The following COX10 variants were observed in gnomAD, a reference collection of about 807,000 sequenced individuals.
The protein encoded by COX10 is cytochrome c oxidase assembly factor heme A:farnesyltransferase COX10, also known as protoheme IX farnesyltransferase, mitochondrial.
A neutral mutation model predicts 37.3 loss-of-function variants in COX10; 27 were observed. That is an observed-to-expected ratio of 0.72 (90% CI 0.53 to 1.00). The LOEUF (loss-of-function observed/expected upper bound fraction) is 1.00, where lower values mean the gene tolerates loss of function less well. Among genes scored for constraint, COX10 ranks in the 50% least tolerant of loss-of-function variants. The pLI is 0.00. For synonymous variants in COX10, 222 were observed against 229.1 expected (o/e 0.97, Z 0.28); for missense variants, 475 against 563.2 (o/e 0.84, Z 1.59).
chr17:14,149,014 A>G (rs946250236), intron 4 of COX10, among the ~76,000 whole-genome samples: 3 of 148,500 alleles, frequency 2.0e-5, no homozygotes, highest in Non-Finnish European at 3.0e-5. Context: ...ATATATAACA[A>G]TATATTTATA....
intron 4 of COX10, among the ~76,000 whole-genome samples, chr17:14,127,553 A>G (rs1916370111): frequency 6.6e-6 from 1 of 152,218 alleles, no homozygotes. Flanking sequence ...CAAAAATTCA[A>G]GTGCAGTTAA....
At chr17:14,172,574 T>TTTCC (rs1403802644) in intron 5 of COX10, among the ~76,000 whole-genome samples, 3 of 127,314 alleles carry the variant, frequency 2.4e-5, no homozygotes, top group African/African-American at 2.9e-5. Context: ...CTTTTTTTCT[T>TTTCC]TTTCTTTTTT....
chr17:14,123,752 G>C (rs1444585733), intron 4 of COX10, among the ~76,000 whole-genome samples: 1 of 152,148 alleles, frequency 6.6e-6, no homozygotes, highest in Admixed American at 6.5e-5. Flanking sequence ...GAGTTAACCA[G>C]GGCTTTCTGT....
intron 4 of COX10, among the ~76,000 whole-genome samples, chr17:14,155,726 G>GA (rs970194635): frequency 8.0e-5 from 10 of 124,644 alleles, no homozygotes; most frequent in African/African-American, 2.4e-4. Context: ...AAAAAAAAAA[G>GA]AAAAAAAAAG....
chr17:14,204,489 G>C (rs1026473831), intron 6 of COX10, among the ~76,000 whole-genome samples: 2 of 151,710 alleles, frequency 1.3e-5, no homozygotes, highest in Non-Finnish European at 2.9e-5. Context: ...TATTTACACT[G>C]CACGCACATC....
intron 5 of COX10, among the ~76,000 whole-genome samples, chr17:14,169,039 C>T (rs1457829685): frequency 6.6e-6 from 1 of 152,178 alleles, no homozygotes; most frequent in African/African-American, 2.4e-5. Flanking sequence ...CCCTTTTAAA[C>T]GTAAGTTCCA....
intron 4 of COX10, among the ~76,000 whole-genome samples, chr17:14,114,605 C>G (rs1216949619): frequency 6.6e-6 from 1 of 152,020 alleles, no homozygotes; most frequent in South Asian, 2.1e-4. Context: ...ACATTAACAC[C>G]GTAATCCTCT....
chr17:14,083,919 C>T (rs1002369155), intron 3 of COX10, among the ~76,000 whole-genome samples: 3 of 152,148 alleles, frequency 2.0e-5, no homozygotes, highest in African/African-American at 7.2e-5. Context: ...TCCTGAGTAA[C>T]ATCTGTGCTG....
chr17:14,099,648 A>G (rs532981043), intron 3 of COX10, among the ~76,000 whole-genome samples: 25 of 151,590 alleles, frequency 1.6e-4, no homozygotes, highest in African/African-American at 5.8e-4. Flanking sequence ...CCTTCCCCCC[A>G]TCTGTAAAGG....
intron 6 of COX10, among the ~76,000 whole-genome samples, chr17:14,199,916 C>A (rs1238610699): frequency 6.6e-6 from 1 of 151,926 alleles, no homozygotes; most frequent in African/African-American, 2.4e-5. Flanking sequence ...AACCACATAA[C>A]CCTAAAAGCA....
chr17:14,110,940 C>T (rs1020467887), intron 4 of COX10, among the ~76,000 whole-genome samples: 5 of 152,202 alleles, frequency 3.3e-5, no homozygotes, highest in Admixed American at 6.6e-5. Flanking sequence ...TTGGATGATT[C>T]TGAATTCTAA....
At chr17:14,187,890 C>T (rs1906081654) in intron 5 of COX10, among the ~76,000 whole-genome samples, 1 of 152,128 alleles carries the variant, frequency 6.6e-6, no homozygotes, top group Admixed American at 6.5e-5. Flanking sequence ...TTCATTCATG[C>T]CCTTGTGCAC....
chr17:14,104,657 A>C (rs1369757315), intron 4 of COX10, among the ~76,000 whole-genome samples: 1 of 152,074 alleles, frequency 6.6e-6, no homozygotes, highest in Non-Finnish European at 1.5e-5. Context: ...GTATTTATTA[A>C]TATTTTCTTT....
chr17:14,096,850 A>G (rs1442109072), intron 3 of COX10, among the ~76,000 whole-genome samples: 1 of 152,020 alleles, frequency 6.6e-6, no homozygotes, highest in Non-Finnish European at 1.5e-5. Context: ...ATCTCTTTTC[A>G]TGGAGAAGCT....
At chr17:14,138,539 T>G (rs1904447067) in intron 4 of COX10, among the ~76,000 whole-genome samples, 1 of 152,070 alleles carries the variant, frequency 6.6e-6, no homozygotes, top group Admixed American at 6.6e-5. Context: ...TTGTGAAGGG[T>G]CAGCCCTACC....
intron 4 of COX10, 147 bp from the exon 5 acceptor site, chr17:14,159,727 TGGA>T: frequency 1.6e-6 from 1 of 638,058 alleles, no homozygotes; most frequent in Non-Finnish European, 2.7e-6. Flanking sequence ...TTTGTTTTTT[TGGA>T]ATTTTTCTTC....
At chr17:14,171,990 C>T (rs1182885374) in intron 5 of COX10, among the ~76,000 whole-genome samples, 1 of 152,108 alleles carries the variant, frequency 6.6e-6, no homozygotes, top group Non-Finnish European at 1.5e-5. Context: ...CCTGATTTAC[C>T]CTGGAATCTG....
intron 3 of COX10, among the ~76,000 whole-genome samples, chr17:14,094,672 G>A (rs1160576191): frequency 5.9e-5 from 9 of 152,230 alleles, no homozygotes; most frequent in Admixed American, 3.3e-4. Flanking sequence ...ACAGAGTGTG[G>A]TGTGAAGTGT....
chr17:14,128,584 A>T (rs1341819008), intron 4 of COX10, among the ~76,000 whole-genome samples: 2 of 152,174 alleles, frequency 1.3e-5, no homozygotes. Flanking sequence ...GTGTGCATAT[A>T]GTAGGGATTC....
Sources: allele counts gnomAD v4.1 joint callset (sites outside exome capture counted in the v4.1 genomes callset), GRCh38; gene constraint gnomAD v4.1.1; transcripts MANE v1.5; gene names NCBI Gene and HGNC (gene_info 2026-07-23, HGNC 2026-07-21).